The following CCDC28A variants were observed in gnomAD, a reference collection of about 807,000 sequenced individuals.
CCDC28A encodes the protein coiled-coil domain containing 28A, also known as coiled-coil domain-containing protein 28A.
Under a neutral mutation model 22.1 loss-of-function variants are expected in CCDC28A, and 24 were observed. The observed-to-expected ratio is 1.09, with a 90% CI of 0.79 to 1.53. The LOEUF (loss-of-function observed/expected upper bound fraction) is 1.53. CCDC28A is among the 40% of genes most tolerant of loss of function. CCDC28A has a pLI of 0.00. For synonymous variants in CCDC28A, 83 were observed against 74.7 expected, an observed-to-expected ratio of 1.11 and a Z score of -0.57; for missense variants, 170 against 210.7, an observed-to-expected ratio of 0.81 and a Z score of 1.20.
At chr6:138,790,147 TTTTGTTTG>T (rs199543361) in intron 5 of CCDC28A, among the ~76,000 whole-genome samples, 10,913 of 152,020 alleles carry the variant, frequency 0.072, 459 homozygotes, top group Middle Eastern at 0.13. Flanking sequence ...TTTTGTGTGG[TTTTGTTTG>T]TTTGTTTGTT....
intron 4 of CCDC28A, among the ~76,000 whole-genome samples, chr6:138,786,564 T>C (rs565800559): frequency 4.6e-5 from 7 of 152,326 alleles, no homozygotes; most frequent in African/African-American, 1.7e-4. Context: ...GTCTATAATC[T>C]TTTTATTTCA....
At chr6:138,776,047 A>G (rs367760529) in intron 1 of CCDC28A, 32 bp from the exon 2 acceptor site, 203 of 1,533,772 alleles carry the variant, frequency 1.3e-4, no homozygotes, top group Non-Finnish European at 1.8e-4. Flanking sequence ...ATATTATAGC[A>G]TACATATATA....
rs369021139 is a variant in CCDC28A, at chr6:138,776,263, G to A, written c.143G>A (p.Arg48Gln). The A allele has an allele frequency of 1.5e-5, 25 of 1,612,926 alleles. No homozygotes were observed. The highest frequency in any genetic ancestry group is 3.3e-5 in the South Asian group (3 of 91,056). ...SNPASQSTSQ[R>Q]PKLKRVMKEK... ...CCTGCATCACAGTCAACTTCACAGC[G>A]ACCAAAGTTAAAAAGGTGAATTCTT... The change falls in exon 2 of 6, where the codon CGA (arginine) becomes CAA (glutamine). Residue 48 changes from arginine (R) to glutamine (Q), a missense_variant. Arg to Gln is a conservative substitution (Grantham distance 43). Coordinates refer to ENST00000617445, the MANE Select transcript of CCDC28A (RefSeq NM_015439.3).
chr6:138,778,449 G>T (rs115492322), intron 2 of CCDC28A, among the ~76,000 whole-genome samples: 12 of 152,134 alleles, frequency 7.9e-5, no homozygotes, highest in Admixed American at 4.6e-4. Flanking sequence ...ATCGCAGTGC[G>T]CATAACATCA....
At chr6:138,784,353 C>CCT (rs1775062547) in intron 3 of CCDC28A, among the ~76,000 whole-genome samples, 1 of 140,240 alleles carries the variant, frequency 7.1e-6, no homozygotes, top group Admixed American at 7.1e-5. Context: ...TTCTCTTTTT[C>CCT]TTTTTTTTTT....
intron 3 of CCDC28A, among the ~76,000 whole-genome samples, chr6:138,784,167 A>G (rs1033126286): frequency 6.6e-6 from 1 of 152,082 alleles, no homozygotes; most frequent in African/African-American, 2.4e-5. Context: ...GATTACAGGC[A>G]TGAGCCACTT....
intron 2 of CCDC28A, among the ~76,000 whole-genome samples, chr6:138,778,146 G>A (rs1441426746): frequency 1.3e-5 from 2 of 152,164 alleles, no homozygotes; most frequent in South Asian, 2.1e-4. Context: ...TCTCTTTCTT[G>A]TATCCCCCCC....
chr6:138,783,858 C>A (rs1239782861), intron 3 of CCDC28A, among the ~76,000 whole-genome samples: 1 of 150,840 alleles, frequency 6.6e-6, no homozygotes, highest in Admixed American at 6.6e-5. Context: ...GCGTGAGCCA[C>A]CATGCCCAGC....
At position 138,776,154 on chromosome 6, in the gene CCDC28A, A is replaced by G. The variant is rs146480742; in HGVS notation, c.34A>G (p.Lys12Glu). ...GCGGAAAGTGAAGAGGAGGAGTCCT[A>G]AGTCTTTTAGTGCCCACTGTACTCA... ...EERKVKRRSPKSFSAHCTQVV... is the reference protein window; with the variant it reads ...EERKVKRRSPESFSAHCTQVV... The change falls in exon 2 of 6, where the codon AAG (lysine) becomes GAG (glutamate). Residue 12 changes from lysine to glutamate, a missense_variant. Physicochemically the swap from Lys to Glu is moderately conservative, Grantham distance 56. Transcript: ENST00000617445. 1.9e-6 allele frequency: 3 copies of G among 1,613,988 alleles called. No individual in the cohort carries two copies. Among genetic ancestry groups the G allele is most frequent in the African/African-American group, 2.7e-5 (2 of 74,938 alleles).
rs1364901255 is a variant in CCDC28A at position 138,788,284 on chromosome 6, ATTTAT to A, written c.478-79_478-75del. On this transcript the variant is annotated intron_variant, in intron 4 of 5. Coordinates refer to ENST00000617445, the MANE Select transcript of CCDC28A (RefSeq NM_015439.3). ...CACAAGAAAGCTTAAATGAAAAATA[ATTTAT>A]TTAAAAAGAAATAGTTAACAACTAT... is the stretch of plus-strand genomic sequence containing the variant. The A allele has an allele frequency of 1.3e-4, 70 of 523,872 alleles. No homozygotes were observed. In the Middle Eastern group the frequency reaches 1.6e-3, roughly 12 times the overall value. The allele number at this position is 523,872 out of a possible 1,614,324, so 32.5% of individuals were successfully genotyped here.
chr6:138,785,577 C>T (rs891392886), intron 4 of CCDC28A, among the ~76,000 whole-genome samples, 196 bp downstream of exon 4: 2 of 152,156 alleles, frequency 1.3e-5, no homozygotes, highest in Admixed American at 1.3e-4. Context: ...CTCCTCATCC[C>T]CTAGCAACCC....
chr6:138,787,840 C>T (rs1775115537), intron 4 of CCDC28A, among the ~76,000 whole-genome samples: 1 of 150,164 alleles, frequency 6.7e-6, no homozygotes, highest in Non-Finnish European at 1.5e-5. Context: ...TCCTCATATT[C>T]TTGTTTCACA....
Position 138,792,789 on chromosome 6 carries a change from ACTT to A in CCDC28A, c.544_546del (p.Ser182del), listed in dbSNP as rs767442943. On this transcript the variant is annotated inframe_deletion, in exon 6 of 6. Coordinates refer to ENST00000617445, the MANE Select transcript of CCDC28A (RefSeq NM_015439.3). Reference sequence around the variant, plus strand: ...GGCAGATGCACAAGATGTTCCAAATACTTCTGCTAGCTAAAATGAAATGTAGTT... The same window carrying A: ...GGCAGATGCACAAGATGTTCCAAATACTGCTAGCTAAAATGAAATGTAGTT... 6.2e-7 allele frequency: 1 copy of A among 1,608,362 alleles called. No homozygotes were observed. Among genetic ancestry groups the A allele is most frequent in the African/African-American group, 1.3e-5 (1 of 74,980 alleles).
At chr6:138,785,494 T>C in intron 4 of CCDC28A, 113 bp downstream of exon 4, 2 of 738,044 alleles carry the variant, frequency 2.7e-6, no homozygotes, top group Non-Finnish European at 4.4e-6. Context: ...GTATTCACAG[T>C]GTTGTGCCGA....
At chr6:138,786,196 A>C (rs1353600096) in intron 4 of CCDC28A, among the ~76,000 whole-genome samples, 1 of 152,216 alleles carries the variant, frequency 6.6e-6, no homozygotes, top group Non-Finnish European at 1.5e-5. Flanking sequence ...CCTGCCAGTC[A>C]CATTGGATGA....
At chr6:138,788,461 T>G (rs1775124649) in intron 5 of CCDC28A, 73 bp downstream of exon 5, 1 of 710,890 alleles carries the variant, frequency 1.4e-6, no homozygotes, top group Non-Finnish European at 2.2e-6. Context: ...CGATCAAGTT[T>G]TAGAAAGATG....
intron 3 of CCDC28A, among the ~76,000 whole-genome samples, chr6:138,784,540 T>A (rs1398064322): frequency 6.6e-6 from 1 of 151,686 alleles, no homozygotes; most frequent in Non-Finnish European, 1.5e-5. Flanking sequence ...AAAAAATTTT[T>A]TTGTAGGGGT....
At position 138,787,531 on chromosome 6, in the gene CCDC28A, C is replaced by T. The variant is rs567589810; in HGVS notation, c.478-835C>T. On this transcript the variant is annotated intron_variant, in intron 4 of 5. Coordinates refer to ENST00000617445, the MANE Select transcript of CCDC28A (RefSeq NM_015439.3). Reference sequence around the variant, plus strand: ...CTACCTCATATAGAAAATTGAGTGACGTGAAATCTTTTTGTAATCTATGAT... The same window carrying T: ...CTACCTCATATAGAAAATTGAGTGATGTGAAATCTTTTTGTAATCTATGAT... Among the ~76,000 whole-genome samples the T allele has an allele frequency of 7.2e-5, 11 of 152,168 alleles. No homozygotes were observed. The South Asian group carries it at 1.7e-3, about 23-fold the overall frequency.
At chr6:138,785,498 G>T in intron 4 of CCDC28A, 117 bp downstream of exon 4, 1 of 714,156 alleles carries the variant, frequency 1.4e-6, no homozygotes, top group Non-Finnish European at 2.3e-6. Context: ...TCACAGTGTT[G>T]TGCCGATCGC....
Sources: allele counts gnomAD v4.1 joint callset (sites outside exome capture counted in the v4.1 genomes callset), GRCh38; gene constraint gnomAD v4.1.1; transcripts MANE v1.5; gene names NCBI Gene and HGNC (gene_info 2026-07-23, HGNC 2026-07-21).